Variants in TMEM232 observed in about 807,000 individuals in gnomAD.
TMEM232 encodes transmembrane protein 232.
Under a neutral mutation model 78.8 loss-of-function variants are expected in TMEM232, and 80 were observed. That is an observed-to-expected ratio of 1.01 (90% CI 0.85 to 1.22). The LOEUF is 1.22. Ranked by LOEUF, TMEM232 falls within the 50% of genes most tolerant of loss-of-function variation. The pLI is 0.00. For missense variants in TMEM232, 881 were observed against 742.2 expected (o/e 1.19, Z -2.17); for synonymous variants, 297 against 254.3 (o/e 1.17, Z -1.60).
intron 11 of TMEM232, among the ~76,000 whole-genome samples, chr5:110,557,716 C>T (rs868112719): frequency 2.6e-5 from 4 of 152,118 alleles, no homozygotes; most frequent in Admixed American, 6.6e-5. Context: ...AACTCTGTCA[C>T]AAGAACAATA....
At chr5:110,735,121 T>TA (rs941900605) in intron 1 of TMEM232, 3 of 152,218 alleles carry the variant, frequency 2.0e-5, no homozygotes, top group African/African-American at 7.2e-5. Context: ...AATTCTTGAA[T>TA]AAAAAATATA....
At chr5:110,470,481 G>A (rs1023025353) in intron 12 of TMEM232, among the ~76,000 whole-genome samples, 5 of 152,132 alleles carry the variant, frequency 3.3e-5, no homozygotes, top group South Asian at 2.1e-4. Flanking sequence ...CAGCTGCTTA[G>A]GAACCAAGTC....
intron 12 of TMEM232, among the ~76,000 whole-genome samples, chr5:110,441,875 G>C (rs1759078818): frequency 6.6e-6 from 1 of 151,888 alleles, no homozygotes; most frequent in Admixed American, 6.6e-5. Context: ...ATTTTCACTA[G>C]ATATACTATT....
chr5:110,670,834 A>G (rs1407166278), intron 1 of TMEM232, among the ~76,000 whole-genome samples: 1 of 152,194 alleles, frequency 6.6e-6, no homozygotes, highest in Non-Finnish European at 1.5e-5. Context: ...AAAATGCATC[A>G]TAAGGTACAG....
chr5:110,599,859 TA>T (rs1366840836), intron 10 of TMEM232, among the ~76,000 whole-genome samples: 3 of 152,110 alleles, frequency 2.0e-5, no homozygotes, highest in African/African-American at 7.2e-5. Flanking sequence ...ATCAACAGAA[TA>T]TACACTCTTC....
intron 1 of TMEM232, among the ~76,000 whole-genome samples, chr5:110,691,145 G>A (rs201092226): frequency 1.8e-4 from 25 of 139,108 alleles, no homozygotes; most frequent in South Asian, 2.3e-4. Context: ...AAAGTATAAG[G>A]AAAAAAAAAA....
chr5:110,619,364 A>G (rs1319867671), intron 7 of TMEM232, among the ~76,000 whole-genome samples: 1 of 152,168 alleles, frequency 6.6e-6, no homozygotes, highest in Non-Finnish European at 1.5e-5. Flanking sequence ...GATAGAAAGC[A>G]AGAAGTTCAT....
At chr5:110,672,039 A>G (rs1791419015) in intron 1 of TMEM232, among the ~76,000 whole-genome samples, 1 of 152,178 alleles carries the variant, frequency 6.6e-6, no homozygotes, top group Non-Finnish European at 1.5e-5. Context: ...GGCCATCCAG[A>G]AAGAAAAAAA....
intron 2 of TMEM232, among the ~76,000 whole-genome samples, chr5:110,664,995 C>T (rs1790372412): frequency 6.6e-6 from 1 of 152,118 alleles, no homozygotes; most frequent in South Asian, 2.1e-4. Context: ...TGAGATTATA[C>T]TCTACTCTTT....
chr5:110,434,594 C>A (rs115435148), intron 12 of TMEM232, among the ~76,000 whole-genome samples: 1 of 151,966 alleles, frequency 6.6e-6, no homozygotes, highest in Non-Finnish European at 1.5e-5. Context: ...AAGGACACCT[C>A]CCTAACTCAT....
At chr5:110,441,411 GAAGTTTC>G (rs1275252001) in intron 12 of TMEM232, among the ~76,000 whole-genome samples, 1 of 152,092 alleles carries the variant, frequency 6.6e-6, no homozygotes, top group Non-Finnish European at 1.5e-5. Flanking sequence ...TCTGTCTCAG[GAAGTTTC>G]AAGTTTCCTT....
At chr5:110,436,803 C>T (rs916676559) in intron 12 of TMEM232, among the ~76,000 whole-genome samples, 1 of 151,890 alleles carries the variant, frequency 6.6e-6, no homozygotes, top group African/African-American at 2.4e-5. Context: ...CTACTCTGTT[C>T]CATTGGTCTG....
chr5:110,394,118 T>C (rs1321531125), intron 3 of TMEM232, among the ~76,000 whole-genome samples: 1 of 152,184 alleles, frequency 6.6e-6, no homozygotes, highest in East Asian at 1.9e-4. Flanking sequence ...TCCCAGCCTT[T>C]GGTAATCATC....
intron 10 of TMEM232, among the ~76,000 whole-genome samples, chr5:110,580,923 A>G (rs1186078364): frequency 6.6e-6 from 1 of 151,822 alleles, no homozygotes; most frequent in Admixed American, 6.6e-5. Flanking sequence ...AATAGCCACA[A>G]AGAAATACAA....
At chr5:110,688,555 G>C (rs1296678554) in intron 1 of TMEM232, among the ~76,000 whole-genome samples, 1 of 152,162 alleles carries the variant, frequency 6.6e-6, no homozygotes, top group Non-Finnish European at 1.5e-5. Context: ...CCACAGCTTA[G>C]TAGAGGCATA....
In TMEM232 at chr5:110,601,509, TAGAC is replaced by T. The variant is rs542861581; in HGVS notation, c.1276+3596_1276+3599del. On this transcript the variant is annotated intron_variant, in intron 10 of 13. Transcript: ENST00000455884. ...CACAAGCATTCCTATACACCAATGA[TAGAC>T]AGCACAAATCATGAATGTACTCCCA... Among the ~76,000 whole-genome samples, 237 of 150,396 alleles carry T rather than the reference TAGAC, an allele frequency of 1.6e-3. 1 individual carries two copies. Among genetic ancestry groups the T allele is most frequent in the African/African-American group, 5.6e-3 (230 of 41,328 alleles).
chr5:110,459,523 T>C (rs1761267202), intron 12 of TMEM232, among the ~76,000 whole-genome samples: 1 of 152,108 alleles, frequency 6.6e-6, no homozygotes, highest in South Asian at 2.1e-4. Flanking sequence ...AATTAAAAAG[T>C]AAAAAGCTCT....
intron 10 of TMEM232, among the ~76,000 whole-genome samples, chr5:110,596,764 C>G (rs1032350413): frequency 1.1e-4 from 16 of 152,188 alleles, no homozygotes; most frequent in African/African-American, 3.9e-4. Context: ...AGACAAAAAC[C>G]ACACGATTAT....
At chr5:110,683,282 G>T (rs149385576) in intron 1 of TMEM232, among the ~76,000 whole-genome samples, 63 of 152,080 alleles carry the variant, frequency 4.1e-4, no homozygotes, top group African/African-American at 1.5e-3. Context: ...ATTAACCTTT[G>T]TGCATAGCTG....
Sources: allele counts gnomAD v4.1 joint callset (sites outside exome capture counted in the v4.1 genomes callset), GRCh38; gene constraint gnomAD v4.1.1; transcripts MANE v1.5; gene names NCBI Gene and HGNC (gene_info 2026-07-23, HGNC 2026-07-21).